The following ADAMTS19 variants were observed in gnomAD, a reference collection of about 807,000 sequenced individuals.
ADAMTS19 encodes the protein A disintegrin and metalloproteinase with thrombospondin motifs 19.
Under a neutral mutation model 153.3 loss-of-function variants are expected in ADAMTS19, and 93 were observed. The observed-to-expected ratio is 0.61, with a 90% confidence interval of 0.51 to 0.72. The LOEUF (loss-of-function observed/expected upper bound fraction) is 0.72. Ranked by LOEUF, ADAMTS19 falls within the 30% of genes least tolerant of loss-of-function variation. The pLI is 0.00. For synonymous variants in ADAMTS19, 600 were observed against 556.6 expected (o/e 1.08, Z -1.10); for missense variants, 1,482 against 1,552.1 (o/e 0.95, Z 0.76).
intron 21 of ADAMTS19, among the ~76,000 whole-genome samples, chr5:129,730,158 G>A (rs1320496422): frequency 6.6e-6 from 1 of 151,908 alleles, no homozygotes; most frequent in African/African-American, 2.4e-5. Flanking sequence ...TGTATAGAGT[G>A]GTATTGAGAT....
intron 21 of ADAMTS19, among the ~76,000 whole-genome samples, chr5:129,718,834 G>A (rs1003959709): frequency 6.6e-6 from 1 of 152,150 alleles, no homozygotes; most frequent in African/African-American, 2.4e-5. Context: ...TATATTGGTT[G>A]AGGAAAAAAC....
chr5:129,461,210 G>A lies in ADAMTS19; in HGVS notation c.200G>A (p.Gly67Asp). ...AGGSGGSADP[G>D]WVRGVGGGGS... ...GGCAGCGGGGGCAGCGCGGACCCGGGCTGGGTGCGCGGCGTTGGGGGCGGC... is the reference window on the plus strand; with the variant it reads ...GGCAGCGGGGGCAGCGCGGACCCGGACTGGGTGCGCGGCGTTGGGGGCGGC... Residue 67 changes from glycine to aspartate, a missense_variant, in exon 2 of 23, where the codon GGC becomes GAC. Gly to Asp is a moderately conservative substitution (Grantham distance 94, BLOSUM62 -1). Transcript: ENST00000274487. The surrounding 1 kb of genome is among the most constrained non-coding windows in gnomAD (Gnocchi z 4.6). 1 of 1,290,004 alleles carries A rather than the reference G, an allele frequency of 7.8e-7. No homozygotes were observed. The highest frequency in any genetic ancestry group is 9.8e-7 in the Non-Finnish European group (1 of 1,024,890). The allele number at this position is 1,290,004 out of a possible 1,614,324, so 79.9% of individuals were successfully genotyped here.
At chr5:129,536,469 G>T (rs537427116) in intron 6 of ADAMTS19, among the ~76,000 whole-genome samples, 1 of 152,184 alleles carries the variant, frequency 6.6e-6, no homozygotes, top group Admixed American at 6.6e-5. Flanking sequence ...TGGTGGGACT[G>T]TAAACTAGTT....
chr5:129,590,488 CTCCTTTCTCTTTCTAGATCAGTTTTT>C (rs1346311316), intron 7 of ADAMTS19, among the ~76,000 whole-genome samples: 3 of 152,156 alleles, frequency 2.0e-5, no homozygotes, highest in African/African-American at 7.2e-5. Context: ...ATTACACTCA[CTCCTTTCTCTTTCTAGATCAGTTTTT>C]TCTTAGTATT....
At chr5:129,536,636 A>G (rs947199974) in intron 6 of ADAMTS19, among the ~76,000 whole-genome samples, 7 of 152,206 alleles carry the variant, frequency 4.6e-5, no homozygotes, top group African/African-American at 1.7e-4. Context: ...GGCACTATTC[A>G]CAATAGCAAA....
At chr5:129,604,221 A>G (rs1750790393) in intron 8 of ADAMTS19, among the ~76,000 whole-genome samples, 1 of 152,128 alleles carries the variant, frequency 6.6e-6, no homozygotes, top group South Asian at 2.1e-4. Flanking sequence ...TACCTATGTA[A>G]CAAAAGGCAC....
intron 6 of ADAMTS19, among the ~76,000 whole-genome samples, chr5:129,533,664 C>G (rs1052894153): frequency 1.3e-5 from 2 of 152,108 alleles, no homozygotes; most frequent in Non-Finnish European, 2.9e-5. Context: ...TCTTGCTTCT[C>G]TAGTTCTTTT....
rs953499386 is a variant in ADAMTS19 at position 129,658,697 on chromosome 5, C to T, written c.2385C>T (p.Cys795=). The T allele has an allele frequency of 8.1e-6, 13 of 1,612,616 alleles. No homozygotes were observed. Among genetic ancestry groups the T allele is most frequent in the South Asian group, 1.1e-5 (1 of 90,932 alleles). ...TATGCAATGGCAATGGAAAATCATG[C>T]AAGATCATTAAAGGGGATTTTAATC... ...CGVCNGNGKS[C]KIIKGDFNHT... The change falls in exon 15 of 23, where the codon TGC becomes TGT. Residue 795 remains cysteine (C), a synonymous_variant. Coordinates refer to ENST00000274487, the MANE Select transcript of ADAMTS19 (RefSeq NM_133638.6).
chr5:129,642,763 G>A (rs894781766), intron 11 of ADAMTS19, among the ~76,000 whole-genome samples: 1 of 152,098 alleles, frequency 6.6e-6, no homozygotes, highest in African/African-American at 2.4e-5. Context: ...GATTTCTTAT[G>A]GTGAAATACT....
At chr5:129,576,146 G>A (rs1477000201) in intron 7 of ADAMTS19, among the ~76,000 whole-genome samples, 3 of 151,958 alleles carry the variant, frequency 2.0e-5, no homozygotes, top group Non-Finnish European at 2.9e-5. Context: ...ATTTTGGAAT[G>A]TGTTCTTTAC....
intron 18 of ADAMTS19, among the ~76,000 whole-genome samples, chr5:129,692,298 A>G (rs1234709970): frequency 6.6e-6 from 1 of 152,132 alleles, no homozygotes; most frequent in African/African-American, 2.4e-5. Flanking sequence ...AAAATTTTAC[A>G]TTTAGGTAAA....
intron 17 of ADAMTS19, among the ~76,000 whole-genome samples, chr5:129,681,640 C>T (rs1004380815): frequency 9.9e-5 from 15 of 152,126 alleles, no homozygotes; most frequent in Admixed American, 1.3e-4. Flanking sequence ...GTATTAGTCA[C>T]TCTTCTATGC....
rs891553791 is a variant in ADAMTS19, at chr5:129,463,282, G to T, written c.747+1525G>T. Reference sequence around the variant, plus strand: ...GCACTTTTGGTCAGATTTTCCAAATGACCTATTCCTTCTCTCCATACTTAA... The same window carrying T: ...GCACTTTTGGTCAGATTTTCCAAATTACCTATTCCTTCTCTCCATACTTAA... On this transcript the variant is annotated intron_variant, in intron 2 of 22. Transcript: ENST00000274487. 5.3e-5 allele frequency among the ~76,000 whole-genome samples: 8 copies of T among 152,228 alleles called. 1 individual carries two copies. The highest frequency in any genetic ancestry group is 1.9e-4 in the African/African-American group (8 of 41,542).
chr5:129,620,735 G>C lies in ADAMTS19; in HGVS notation c.1596G>C (p.Lys532Asn). 3 of 1,612,572 alleles carry C rather than the reference G, an allele frequency of 1.9e-6. No individual in the cohort carries two copies. The highest frequency in any genetic ancestry group is 1.7e-6 in the Non-Finnish European group (2 of 1,179,112). The change falls in exon 9 of 23, where the codon AAG (lysine) becomes AAC (asparagine). Residue 532 changes from lysine to asparagine, a missense_variant. Lys to Asn is a moderately conservative substitution (Grantham distance 94). Around this residue, in one of 2 missense-constraint regions of ADAMTS19, gnomAD observed 866 missense variants for 827.7 expected, o/e 1.05. Coordinates refer to ENST00000274487, the MANE Select transcript of ADAMTS19 (RefSeq NM_133638.6). ...LGDVSWSRCS[K>N]EDLERFLRSK... ...ACGTTTCATGGTCTCGATGTAGCAA[G>C]GAAGATTTGGAAAGATTTCTCAGGT...
chr5:129,475,753 A>C (rs2126659946), intron 2 of ADAMTS19, among the ~76,000 whole-genome samples: 1 of 152,332 alleles, frequency 6.6e-6, no homozygotes, highest in Non-Finnish European at 1.5e-5. Flanking sequence ...GAATTGCTTG[A>C]AGCTGGGAGG....
At chr5:129,492,508 TG>T (rs1478166446) in intron 2 of ADAMTS19, among the ~76,000 whole-genome samples, 2 of 137,038 alleles carry the variant, frequency 1.5e-5, no homozygotes, top group Non-Finnish European at 3.3e-5. Context: ...TAAAGGTCAG[TG>T]TGTGTGTGTG....
chr5:129,705,896 CAT>C (rs1226487752), intron 21 of ADAMTS19, among the ~76,000 whole-genome samples: 2 of 152,124 alleles, frequency 1.3e-5, no homozygotes, highest in Non-Finnish European at 2.9e-5. Flanking sequence ...TCTTTGTTTC[CAT>C]ATGAGTCAAA....
At chr5:129,582,192 G>A (rs1383070572) in intron 7 of ADAMTS19, among the ~76,000 whole-genome samples, 1 of 148,172 alleles carries the variant, frequency 6.7e-6, no homozygotes, top group Non-Finnish European at 1.5e-5. Flanking sequence ...ATTGCCAGTG[G>A]GATGTTAAAG....
In ADAMTS19 at chr5:129,737,124, G is replaced by C. The variant is rs748351241; in HGVS notation, c.3548G>C (p.Arg1183Pro). Residue 1183 changes from arginine to proline, a missense_variant, in exon 23 of 23, where the codon CGT (arginine) becomes CCT (proline). Arg to Pro is a moderately radical substitution (Grantham distance 103). This residue lies in a region of ADAMTS19 where 616 missense variants were observed against 724.4 expected (regional missense o/e 0.85). Transcript: ENST00000274487. ...TGGCCAGTGTACTGCCGAGTGATACGTGAAAAGAACCTATGTCAGGACATG... is the reference window on the plus strand; with the variant it reads ...TGGCCAGTGTACTGCCGAGTGATACCTGAAAAGAACCTATGTCAGGACATG... The part of the protein sequence containing the change: ...DQWPVYCRVI[R>P]EKNLCQDMRW... 6.2e-7 allele frequency: 1 copy of C among 1,611,116 alleles called. No individual in the cohort carries two copies. Among genetic ancestry groups the C allele is most frequent in the Admixed American group, 1.7e-5 (1 of 59,786 alleles).
Sources: gnomAD v4.1 joint callset for allele counts (sites outside exome capture counted in the v4.1 genomes callset) on GRCh38, gnomAD v4.1.1 for gene constraint, gnomAD v4.1.1 regional missense constraint, Gnocchi (gnomAD v3.1) non-coding constraint, MANE v1.5 for transcripts, NCBI Gene and HGNC (gene_info 2026-07-23, HGNC 2026-07-21) for gene names.